HPSE2: variants seen among roughly 807,000 people sequenced by gnomAD.
HPSE2 encodes heparanase 2 (inactive).
A neutral mutation model predicts 60.5 loss-of-function variants in HPSE2; 38 were observed. The observed-to-expected ratio is 0.63, with a 90% CI of 0.48 to 0.82. The LOEUF is 0.82. Among genes scored for constraint, HPSE2 ranks in the 40% least tolerant of loss-of-function variants. The probability of loss-of-function intolerance (pLI) is 0.00; values close to 1 mark genes in which losing one functional copy is unlikely to be tolerated. For missense variants in HPSE2, 713 were observed against 740.4 expected (o/e 0.96, Z 0.43); for synonymous variants, 295 against 293.2 (o/e 1.01, Z -0.06).
intron 3 of HPSE2, among the ~76,000 whole-genome samples, chr10:98,874,348 ATT>A (rs1952815452): frequency 6.6e-6 from 1 of 151,852 alleles, no homozygotes; most frequent in South Asian, 2.1e-4. Flanking sequence ...TGGGTTTTAC[ATT>A]TAAGTCTTTC....
At chr10:98,619,487 T>C (rs895409498) in intron 8 of HPSE2, among the ~76,000 whole-genome samples, 5 of 152,172 alleles carry the variant, frequency 3.3e-5, no homozygotes, top group African/African-American at 9.7e-5. Context: ...CAGATTTTTT[T>C]TCTCTCTCTC....
At chr10:98,748,151 T>A (rs1490563489) in intron 3 of HPSE2, among the ~76,000 whole-genome samples, 2 of 151,956 alleles carry the variant, frequency 1.3e-5, no homozygotes, top group East Asian at 3.9e-4. Flanking sequence ...TACAAAAAAA[T>A]TAGCTGGGTG....
intron 3 of HPSE2, among the ~76,000 whole-genome samples, chr10:99,097,214 T>C (rs1310421991): frequency 1.3e-5 from 2 of 152,100 alleles, no homozygotes; most frequent in East Asian, 1.9e-4. Flanking sequence ...GTGCTTCAAA[T>C]AGGGGACAGA....
chr10:98,966,064 T>C (rs1257102260), intron 3 of HPSE2, among the ~76,000 whole-genome samples: 2 of 152,040 alleles, frequency 1.3e-5, no homozygotes, highest in African/African-American at 4.8e-5. Context: ...ATAATTTTTG[T>C]GTTTTTAATA....
At chr10:98,921,375 A>G (rs1034681309) in intron 3 of HPSE2, among the ~76,000 whole-genome samples, 3 of 152,168 alleles carry the variant, frequency 2.0e-5, no homozygotes, top group Non-Finnish European at 2.9e-5. Flanking sequence ...TTTAACTAGA[A>G]AGCTGAGAAG....
At chr10:99,188,748 A>C (rs796610539) in intron 2 of HPSE2, among the ~76,000 whole-genome samples, 1 of 152,210 alleles carries the variant, frequency 6.6e-6, no homozygotes, top group African/African-American at 2.4e-5. Flanking sequence ...ACAGAAAAAG[A>C]GCTTTTGGAC....
chr10:98,680,954 C>T (rs748606281), intron 6 of HPSE2, among the ~76,000 whole-genome samples: 1 of 151,854 alleles, frequency 6.6e-6, no homozygotes, highest in Non-Finnish European at 1.5e-5. Flanking sequence ...CAGGGTTTCT[C>T]TACTAAGAGA....
intron 3 of HPSE2, among the ~76,000 whole-genome samples, chr10:98,765,905 T>G (rs1950109256): frequency 6.6e-6 from 1 of 151,560 alleles, no homozygotes; most frequent in South Asian, 2.1e-4. Context: ...CTTAAGAAGC[T>G]ATAAAAAGAA....
intron 3 of HPSE2, among the ~76,000 whole-genome samples, chr10:98,916,210 T>C (rs1220776176): frequency 6.6e-6 from 1 of 152,214 alleles, no homozygotes; most frequent in Non-Finnish European, 1.5e-5. Context: ...AATATAAAAC[T>C]GTACCAAAAT....
At chr10:99,096,016 A>G (rs1481931252) in intron 3 of HPSE2, among the ~76,000 whole-genome samples, 1 of 152,220 alleles carries the variant, frequency 6.6e-6, no homozygotes, top group African/African-American at 2.4e-5. Context: ...ATGCAAAAAC[A>G]TAAAAGAAAA....
intron 3 of HPSE2, among the ~76,000 whole-genome samples, chr10:99,076,170 T>A (rs1025223322): frequency 2.0e-5 from 3 of 152,012 alleles, no homozygotes; most frequent in Non-Finnish European, 2.9e-5. Flanking sequence ...TTTTTTTTTG[T>A]ATTGATATAC....
chr10:99,022,617 G>C (rs922090882), intron 3 of HPSE2, among the ~76,000 whole-genome samples: 3 of 152,110 alleles, frequency 2.0e-5, no homozygotes, highest in Non-Finnish European at 4.4e-5. Context: ...AGAAAAGAAA[G>C]AGTAGGGAAG....
chr10:98,881,012 C>A (rs983915676), intron 3 of HPSE2, among the ~76,000 whole-genome samples: 4 of 152,056 alleles, frequency 2.6e-5, no homozygotes, highest in Non-Finnish European at 5.9e-5. Context: ...GCTGCTCTCT[C>A]TATCCCATAG....
At chr10:98,944,213 A>G (rs1315694829) in intron 3 of HPSE2, among the ~76,000 whole-genome samples, 1 of 152,098 alleles carries the variant, frequency 6.6e-6, no homozygotes, top group African/African-American at 2.4e-5. Flanking sequence ...AAGTGCCCAG[A>G]TGGAAAATGT....
At chr10:98,582,121 G>A (rs916143002) in intron 9 of HPSE2, among the ~76,000 whole-genome samples, 1 of 152,102 alleles carries the variant, frequency 6.6e-6, no homozygotes, top group Non-Finnish European at 1.5e-5. Flanking sequence ...TGATAGCATC[G>A]TGATCTTAAA....
intron 9 of HPSE2, among the ~76,000 whole-genome samples, chr10:98,600,749 A>ACT (rs1395391409): frequency 2.7e-5 from 3 of 109,916 alleles, no homozygotes; most frequent in Admixed American, 1.1e-4. Flanking sequence ...ATACATACAC[A>ACT]CAAAAAAAAT....
chr10:99,047,908 G>C (rs191723765), intron 3 of HPSE2: 1 of 761,246 alleles, frequency 1.3e-6, no homozygotes, highest in Non-Finnish European at 2.4e-6. Context: ...CCAAACTGGC[G>C]TTTGTCCTCA....
At chr10:99,079,409 T>C (rs943158763) in intron 3 of HPSE2, among the ~76,000 whole-genome samples, 1 of 151,944 alleles carries the variant, frequency 6.6e-6, no homozygotes, top group Non-Finnish European at 1.5e-5. Context: ...ATCAGCACTC[T>C]GAGCAGGCAA....
intron 3 of HPSE2, among the ~76,000 whole-genome samples, chr10:99,112,565 A>G (rs1424198628): frequency 6.6e-6 from 1 of 152,146 alleles, no homozygotes; most frequent in Non-Finnish European, 1.5e-5. Context: ...CTGGGATTAC[A>G]GGCGTGAGCC....
Sources: allele counts gnomAD v4.1 joint callset (sites outside exome capture counted in the v4.1 genomes callset), GRCh38; gene constraint gnomAD v4.1.1; transcripts MANE v1.5; gene names NCBI Gene and HGNC (gene_info 2026-07-23, HGNC 2026-07-21).